The following LOC400499 variants were observed in gnomAD, a reference collection of about 807,000 sequenced individuals.
chr16:11,435,305 G>A, the LOC400499 span, among the ~76,000 whole-genome samples: 1 of 151,824 alleles, frequency 6.6e-6, no homozygotes, highest in African/African-American at 2.4e-5. Flanking sequence ...GGAGAGATGG[G>A]GTCTTGCTAT....
the LOC400499 span, chr16:11,448,976 C>T: frequency 1.3e-6 from 2 of 1,506,434 alleles, no homozygotes; most frequent in Non-Finnish European, 1.8e-6. Flanking sequence ...GGCCTTTCAA[C>T]CAGCAGTTCA....
At chr16:11,480,364 C>T in the LOC400499 span, among the ~76,000 whole-genome samples, 1 of 152,240 alleles carries the variant, frequency 6.6e-6, no homozygotes, top group Non-Finnish European at 1.5e-5. Context: ...TTGCCCTGCT[C>T]ATCCTGGTGT....
the LOC400499 span, chr16:11,425,212 C>A: frequency 2.5e-6 from 1 of 399,054 alleles, no homozygotes; most frequent in Non-Finnish European, 4.4e-6. Context: ...CCACCCAGAG[C>A]CAGGCTGGCT....
At chr16:11,463,334 C>A in the LOC400499 span, among the ~76,000 whole-genome samples, 1 of 151,986 alleles carries the variant, frequency 6.6e-6, no homozygotes, top group Non-Finnish European at 1.5e-5. Context: ...TACCACACTG[C>A]CACTACTTAA....
chr16:11,464,842 C>T, the LOC400499 span, among the ~76,000 whole-genome samples: 4 of 152,266 alleles, frequency 2.6e-5, no homozygotes, highest in Admixed American at 6.5e-5. Flanking sequence ...AGAGGCAATC[C>T]GTGCTTGCAC....
At chr16:11,438,248 C>T in the LOC400499 span, among the ~76,000 whole-genome samples, 92 of 152,284 alleles carry the variant, frequency 6.0e-4, no homozygotes, top group Middle Eastern at 3.4e-3. Context: ...ATCTAAGATG[C>T]CAGCAGCTCT....
the LOC400499 span, among the ~76,000 whole-genome samples, chr16:11,504,571 G>C: frequency 6.7e-6 from 1 of 149,890 alleles, no homozygotes; most frequent in Non-Finnish European, 1.5e-5. Flanking sequence ...CCAAAAAAAA[G>C]ACGGATACGT....
chr16:11,397,284 T>G, the LOC400499 span, among the ~76,000 whole-genome samples: 1 of 151,134 alleles, frequency 6.6e-6, no homozygotes, highest in African/African-American at 2.4e-5. Context: ...TGTAAATGCT[T>G]TTTATTTTGA....
chr16:11,445,535 G>T, the LOC400499 span, among the ~76,000 whole-genome samples: 1 of 152,174 alleles, frequency 6.6e-6, no homozygotes, highest in Non-Finnish European at 1.5e-5. Context: ...TAAAAGATGA[G>T]TAGAAGGGAG....
chr16:11,424,705 A>G, the LOC400499 span, among the ~76,000 whole-genome samples: 2 of 152,092 alleles, frequency 1.3e-5, no homozygotes, highest in Non-Finnish European at 2.9e-5. Context: ...TCGCTGCTGC[A>G]CCTGGGGGCC....
the LOC400499 span, among the ~76,000 whole-genome samples, chr16:11,384,533 G>A: frequency 2.0e-5 from 3 of 152,168 alleles, no homozygotes; most frequent in Non-Finnish European, 4.4e-5. Flanking sequence ...CAGGGGCTCA[G>A]GGACAGCATG....
the LOC400499 span, among the ~76,000 whole-genome samples, chr16:11,450,182 C>T: frequency 1.3e-5 from 2 of 152,242 alleles, no homozygotes; most frequent in Non-Finnish European, 2.9e-5. Flanking sequence ...AGATGACACT[C>T]ATGGCTTTTC....
At chr16:11,446,441 A>G in the LOC400499 span, 7 of 1,001,194 alleles carry the variant, frequency 7.0e-6, no homozygotes, top group South Asian at 6.0e-5. Flanking sequence ...TACAGGTGTG[A>G]GCCACTGCAC....
the LOC400499 span, among the ~76,000 whole-genome samples, chr16:11,425,671 T>C: frequency 6.6e-6 from 1 of 152,196 alleles, no homozygotes; most frequent in Non-Finnish European, 1.5e-5. Flanking sequence ...TGAACAGCTC[T>C]ATATTTATAT....
chr16:11,489,229 G>A, the LOC400499 span, among the ~76,000 whole-genome samples: 2 of 152,176 alleles, frequency 1.3e-5, no homozygotes, highest in East Asian at 1.9e-4. Flanking sequence ...CCTCATCAGT[G>A]AAAATGAGAA....
At chr16:11,436,069 C>G in the LOC400499 span, among the ~76,000 whole-genome samples, 602 of 152,302 alleles carry the variant, frequency 4.0e-3, 3 homozygotes, top group African/African-American at 0.013. Context: ...TACCCTGGCT[C>G]CAGCTCCTGG....
At chr16:11,484,444 G>A in the LOC400499 span, among the ~76,000 whole-genome samples, 3 of 152,282 alleles carry the variant, frequency 2.0e-5, no homozygotes, top group African/African-American at 2.4e-5. Flanking sequence ...CCATGTACTA[G>A]TGTTCACCGT....
At chr16:11,431,638 T>G in the LOC400499 span, among the ~76,000 whole-genome samples, 1 of 152,174 alleles carries the variant, frequency 6.6e-6, no homozygotes, top group South Asian at 2.1e-4. Context: ...ACTCCTGACC[T>G]CAGGTGATCT....
At chr16:11,511,749 G>C in the LOC400499 span, among the ~76,000 whole-genome samples, 13 of 152,352 alleles carry the variant, frequency 8.5e-5, no homozygotes, top group Admixed American at 5.2e-4. Flanking sequence ...GACTAAGGCG[G>C]AGCACAGTGG....
Sources: allele counts gnomAD v4.1 joint callset (sites outside exome capture counted in the v4.1 genomes callset), GRCh38; gene constraint gnomAD v4.1.1; transcripts MANE v1.5.